Variants in ARHGAP22 observed in about 807,000 individuals in gnomAD.
ARHGAP22 encodes the protein rho GTPase-activating protein 22.
In ARHGAP22, 48 loss-of-function variants were observed where a neutral mutation model predicts 59.1. That is an observed-to-expected ratio of 0.81 (90% CI 0.64 to 1.03). The LOEUF (loss-of-function observed/expected upper bound fraction) is 1.03, where lower values mean the gene tolerates loss of function less well. Among genes scored for constraint, ARHGAP22 ranks in the 50% least tolerant of loss-of-function variants. The pLI, the probability that ARHGAP22 is intolerant of heterozygous loss-of-function variation, is 0.00. For synonymous variants in ARHGAP22, 445 were observed against 416.4 expected (o/e 1.07, Z -0.84); for missense variants, 1,015 against 958.7 (o/e 1.06, Z -0.78).
chr10:48,519,450 A>G (rs994791310), intron 3 of ARHGAP22, among the ~76,000 whole-genome samples: 2 of 152,232 alleles, frequency 1.3e-5, no homozygotes, highest in African/African-American at 4.8e-5. Context: ...AACACAGTGG[A>G]CTGCCACTGG....
intron 1 of ARHGAP22, among the ~76,000 whole-genome samples, chr10:48,626,490 AG>A (rs1487394894): frequency 6.6e-6 from 1 of 152,212 alleles, no homozygotes; most frequent in African/African-American, 2.4e-5. Context: ...ATATTTGTTA[AG>A]CATTTGCCTT....
chr10:48,628,660 G>A (rs1344849519), intron 1 of ARHGAP22, among the ~76,000 whole-genome samples: 1 of 152,172 alleles, frequency 6.6e-6, no homozygotes, highest in Non-Finnish European at 1.5e-5. Context: ...TAAAGCATAT[G>A]AACTTTTTGC....
chr10:48,529,192 A>G (rs887400847), intron 3 of ARHGAP22, among the ~76,000 whole-genome samples: 6 of 152,148 alleles, frequency 3.9e-5, no homozygotes, highest in African/African-American at 7.2e-5. Context: ...GAAGGGGGAG[A>G]CTGGAGCAGA....
intron 4 of ARHGAP22, among the ~76,000 whole-genome samples, chr10:48,475,081 A>G (rs575264711): frequency 1.3e-5 from 2 of 152,062 alleles, no homozygotes; most frequent in East Asian, 3.9e-4. Flanking sequence ...TGACACTCCA[A>G]TTCCCCTCCT....
intron 1 of ARHGAP22, among the ~76,000 whole-genome samples, chr10:48,611,923 T>C (rs2889660): frequency 0.26 from 34,394 of 131,674 alleles, 5,493 homozygotes; most frequent in African/African-American, 0.39. Flanking sequence ...CCTGGGTCCA[T>C]GCAATTGTTC....
intron 1 of ARHGAP22, among the ~76,000 whole-genome samples, chr10:48,584,766 G>T (rs1050499318): frequency 6.6e-6 from 1 of 152,214 alleles, no homozygotes; most frequent in African/African-American, 2.4e-5. Flanking sequence ...AGGCCAAGGC[G>T]GGCGGATCAC....
chr10:48,453,461 A>T (rs1386673801), intron 7 of ARHGAP22, 36 bp from the exon 8 acceptor site: 3 of 1,611,184 alleles, frequency 1.9e-6, no homozygotes, highest in Non-Finnish European at 2.5e-6. Context: ...TCAAAGAAGC[A>T]AGTTGTGATG....
intron 2 of ARHGAP22, among the ~76,000 whole-genome samples, chr10:48,557,117 T>C (rs928391775): frequency 6.6e-6 from 1 of 152,222 alleles, no homozygotes; most frequent in East Asian, 1.9e-4. Context: ...TCTTTGTAAC[T>C]GAATTGATGG....
At chr10:48,531,509 T>C (rs1460105208) in intron 3 of ARHGAP22, among the ~76,000 whole-genome samples, 5 of 152,174 alleles carry the variant, frequency 3.3e-5, no homozygotes, top group African/African-American at 1.2e-4. Flanking sequence ...AGCTGAAACA[T>C]AGGAAGTGAT....
chr10:48,442,689 C>T (rs2045231441), downstream of ARHGAP22, among the ~76,000 whole-genome samples: 2 of 152,150 alleles, frequency 1.3e-5, no homozygotes, highest in South Asian at 4.1e-4. Flanking sequence ...TCTCCTTTTA[C>T]CACAGACCCT....
At position 48,453,392 on chromosome 10, in the gene ARHGAP22, G is replaced by A; in HGVS notation, c.900C>T (p.Val300=). 6.2e-7 allele frequency: 1 copy of A among 1,614,002 alleles called. No homozygotes were observed. The highest frequency in any genetic ancestry group is 8.5e-7 in the Non-Finnish European group (1 of 1,179,972). The change falls in exon 8 of 10, where the codon GTC becomes GTT. Residue 300 remains valine (V), a synonymous_variant. Coordinates refer to ENST00000249601, the MANE Select transcript of ARHGAP22 (RefSeq NM_021226.4). ...CCAGATTCTGGACACTCATCTTGTT[G>A]ACATTTGAGTATGCCTGAACTTCAT... ...FLDEVQAYSN[V]NKMSVQNLAT... is the part of the protein sequence containing the mutation.
At chr10:48,623,361 T>A (rs775242019) in intron 1 of ARHGAP22, among the ~76,000 whole-genome samples, 16 of 152,230 alleles carry the variant, frequency 1.1e-4, no homozygotes, top group Non-Finnish European at 1.6e-4. Context: ...TCTAGCTCTG[T>A]GTATTTTAGC....
intron 3 of ARHGAP22, among the ~76,000 whole-genome samples, chr10:48,490,153 T>C (rs981328791): frequency 2.0e-5 from 3 of 152,098 alleles, no homozygotes; most frequent in African/African-American, 7.2e-5. Context: ...TGTAGGGGGA[T>C]GAAACCAAAG....
At chr10:48,498,609 T>C (rs2051186739) in intron 3 of ARHGAP22, among the ~76,000 whole-genome samples, 1 of 152,122 alleles carries the variant, frequency 6.6e-6, no homozygotes. Flanking sequence ...CTGCACACAA[T>C]AGCACCTCTT....
chr10:48,600,775 T>C (rs1054248865), intron 1 of ARHGAP22, among the ~76,000 whole-genome samples: 1 of 152,194 alleles, frequency 6.6e-6, no homozygotes, highest in Non-Finnish European at 1.5e-5. Flanking sequence ...ACCTGGCTAG[T>C]GGCAGAGGAT....
At chr10:48,539,935 A>C (rs1435310912) in intron 3 of ARHGAP22, among the ~76,000 whole-genome samples, 1 of 152,248 alleles carries the variant, frequency 6.6e-6, no homozygotes, top group Non-Finnish European at 1.5e-5. Context: ...TGTGCCAAGC[A>C]ACACGTTTAA....
chr10:48,479,539 T>G, intron 4 of ARHGAP22, 97 bp downstream of exon 4: 2 of 1,597,506 alleles, frequency 1.3e-6, no homozygotes, highest in African/African-American at 2.7e-5. Flanking sequence ...CAGCAAGTCC[T>G]CAGTGAGCAG....
At chr10:48,568,093 T>A (rs532369266) in intron 2 of ARHGAP22, among the ~76,000 whole-genome samples, 9 of 152,296 alleles carry the variant, frequency 5.9e-5, no homozygotes, top group Admixed American at 5.2e-4. Flanking sequence ...GAGAGGTCAG[T>A]CTCATCTACT....
At chr10:48,546,649 CT>C in intron 3 of ARHGAP22, 1 of 172,582 alleles carries the variant, frequency 5.8e-6, no homozygotes, top group Non-Finnish European at 1.3e-5. Flanking sequence ...GTGGCTCTGC[CT>C]TTCCATTGTT....
Sources: allele counts gnomAD v4.1 joint callset (sites outside exome capture counted in the v4.1 genomes callset), GRCh38; gene constraint gnomAD v4.1.1; transcripts MANE v1.5; gene names NCBI Gene and HGNC (gene_info 2026-07-23, HGNC 2026-07-21).